TLR1: variants seen among roughly 807,000 people sequenced by gnomAD.
TLR1 encodes the protein toll like receptor 1.
TLR1 carries 19 observed loss-of-function variants against 20.2 expected under a neutral mutation model. That is an observed-to-expected ratio of 0.94 (90% CI 0.66 to 1.38). The LOEUF is 1.38. Ranked by LOEUF, TLR1 falls within the 40% of genes most tolerant of loss-of-function variation. The pLI is 0.00. For missense variants in TLR1, 921 were observed against 910.0 expected, an observed-to-expected ratio of 1.01 and a Z score of -0.16; for synonymous variants, 320 against 334.5, an observed-to-expected ratio of 0.96 and a Z score of 0.47.
chr4:38,802,595 C>T (rs1206878626), intron 2 of TLR1, among the ~76,000 whole-genome samples: 1 of 152,236 alleles, frequency 6.6e-6, no homozygotes, highest in African/African-American at 2.4e-5. Flanking sequence ...AACAAATAAG[C>T]CCCAAGTAAT....
rs1250104254 is a variant in TLR1, at chr4:38,798,686, A to G, written c.146T>C (p.Ile49Thr). The G allele has an allele frequency of 1.2e-6, 2 of 1,614,036 alleles. No individual in the cohort carries two copies. The highest frequency in any genetic ancestry group is 2.2e-5 in the East Asian group (1 of 44,872). ...TATATAATTTTGCGATATATTTAAG[A>G]TTGTTGTTTTCTGGGATAGGTCTTT... ...VPKDLSQKTTILNISQNYISE... is the reference protein window; with the variant it reads ...VPKDLSQKTTTLNISQNYISE... Residue 49 changes from isoleucine to threonine, a missense_variant, in exon 4 of 4, where the codon ATC becomes ACC. Ile to Thr is a moderately conservative substitution (Grantham distance 89, BLOSUM62 -1). Transcript: ENST00000308979.
intron 2 of TLR1, among the ~76,000 whole-genome samples, chr4:38,801,421 C>T (rs1178958495): frequency 6.6e-6 from 1 of 152,204 alleles, no homozygotes; most frequent in African/African-American, 2.4e-5. Context: ...TTATAAGTCA[C>T]CCATTCTGGT....
chr4:38,794,867 T>C (rs1368437655), downstream of TLR1, among the ~76,000 whole-genome samples: 4 of 152,320 alleles, frequency 2.6e-5, no homozygotes, highest in African/African-American at 9.6e-5. Flanking sequence ...GAGAGCTTTG[T>C]GGGCTGGTCA....
chr4:38,793,211 T>C (rs1453682115), downstream of TLR1, among the ~76,000 whole-genome samples: 1 of 152,148 alleles, frequency 6.6e-6, no homozygotes, highest in Non-Finnish European at 1.5e-5. Context: ...GCTTCAACAG[T>C]ACCACTTGGA....
At chr4:38,789,732 G>C (rs186973266), downstream of TLR1, among the ~76,000 whole-genome samples, 134 of 152,138 alleles carry the variant, frequency 8.8e-4, no homozygotes, top group African/African-American at 3.1e-3. Flanking sequence ...CAAAGTGCTG[G>C]GAATACAGGC....
Position 38,798,644 on chromosome 4 carries a change from G to A in TLR1, c.188C>T (p.Ser63Phe). The change falls in exon 4 of 4, where the codon TCT becomes TTT. Residue 63 changes from serine to phenylalanine, a missense_variant. By Grantham distance (155) the Ser-to-Phe change is radical. Coordinates refer to ENST00000308979, the MANE Select transcript of TLR1 (RefSeq NM_003263.4). ...CAGTTTTGACAGTGATAAGATGTCA[G>A]AAGTCCAAAGCTCAGATATATAATT... is the stretch of plus-strand genomic sequence containing the variant. ...SQNYISELWT[S>F]DILSLSKLRI... The A allele has an allele frequency of 1.9e-6, 3 of 1,613,804 alleles. No individual in the cohort carries two copies. Among genetic ancestry groups the A allele is most frequent in the South Asian group, 1.1e-5 (1 of 91,036 alleles).
At chr4:38,791,076 A>T (rs1725705519) in exon 4 of TLR1, 1 of 152,230 alleles carries the variant, frequency 6.6e-6, no homozygotes, top group Non-Finnish European at 1.5e-5. Flanking sequence ...TAGTAGGATG[A>T]AGTCCATCAC....
rs143576765 is a variant in TLR1, at chr4:38,797,036, G to A, written c.1796C>T (p.Ser599Phe). The change falls in exon 4 of 4, where the codon TCC becomes TTC. Residue 599 changes from serine to phenylalanine, a missense_variant. Ser to Phe is a radical substitution (Grantham distance 155). Transcript: ENST00000308979. ...GGGCAGATCCAAGTAGCTGCAGAGG[G>A]AGGTCACAGTCACAGCCAACACCAG... ...TMLVLAVTVT[S>F]LCSYLDLPWY... 240 of 1,614,182 alleles carry A rather than the reference G, an allele frequency of 1.5e-4. No individual in the cohort carries two copies. In the African/African-American group the frequency reaches 3.0e-3, roughly 20 times the overall value.
At position 38,798,547 on chromosome 4, in the gene TLR1, C is replaced by T; in HGVS notation, c.285G>A (p.Leu95=). Residue 95 remains leucine, a synonymous_variant, in exon 4 of 4, where the codon TTG becomes TTA. Coordinates refer to ENST00000308979, the MANE Select transcript of TLR1 (RefSeq NM_003263.4). ...DISVFKFNQE[L]EYLDLSHNKL... is the part of the protein sequence containing the mutation. Reference sequence around the variant, plus strand: ...TGTTGTGGGACAAATCCAAGTATTCCAATTCCTGGTTGAATTTGAAAACAC... The same window carrying T: ...TGTTGTGGGACAAATCCAAGTATTCTAATTCCTGGTTGAATTTGAAAACAC... 2 of 1,614,096 alleles carry T rather than the reference C, an allele frequency of 1.2e-6. No homozygotes were observed. The highest frequency in any genetic ancestry group is 1.7e-6 in the Non-Finnish European group (2 of 1,180,010).
At position 38,798,105 on chromosome 4, in the gene TLR1, T is replaced by C; in HGVS notation, c.727A>G (p.Asn243Asp). 6.2e-7 allele frequency: 1 copy of C among 1,613,678 alleles called. No individual in the cohort carries two copies. Among genetic ancestry groups the C allele is most frequent in the Non-Finnish European group, 8.5e-7 (1 of 1,179,700 alleles). ...AAGGTAAGATTTGATAACTTTGGATTTGTTTGAAGTTTCGCCAGAATACTT... is the reference window on the plus strand; with the variant it reads ...AAGGTAAGATTTGATAACTTTGGATCTGTTTGAAGTTTCGCCAGAATACTT... ...FLSILAKLQTNPKLSNLTLNN... is the reference protein window; with the variant it reads ...FLSILAKLQTDPKLSNLTLNN... The change falls in exon 4 of 4, where the codon AAT (asparagine) becomes GAT (aspartate). Residue 243 changes from asparagine (N) to aspartate (D), a missense_variant. Asn to Asp is a conservative substitution (Grantham distance 23). Coordinates refer to ENST00000308979, the MANE Select transcript of TLR1 (RefSeq NM_003263.4).
At chr4:38,801,531 A>C (rs1726643101) in intron 2 of TLR1, among the ~76,000 whole-genome samples, 1 of 152,238 alleles carries the variant, frequency 6.6e-6, no homozygotes, top group Non-Finnish European at 1.5e-5. Flanking sequence ...CCTGGTCTTA[A>C]GGCCTAAGTG....
chr4:38,796,884 A>G lies in TLR1; in HGVS notation c.1948T>C (p.Trp650Arg). 1 of 1,614,232 alleles carries G rather than the reference A, an allele frequency of 6.2e-7. No individual in the cohort carries two copies. Residue 650 changes from tryptophan to arginine, a missense_variant, in exon 4 of 4, where the codon TGG (tryptophan) becomes CGG (arginine). Trp to Arg is a moderately radical substitution (Grantham distance 101). Coordinates refer to ENST00000308979, the MANE Select transcript of TLR1 (RefSeq NM_003263.4). ...FISYSGHDSF[W>R]VKNELLPNLE... ...TTTGGCAATAATTCATTCTTCACCC[A>G]GAAAGAATCGTGCCCACTATATGAA...
intron 1 of TLR1, among the ~76,000 whole-genome samples, 154 bp downstream of exon 1, chr4:38,804,600 T>C (rs150494695): frequency 1.3e-5 from 2 of 152,260 alleles, no homozygotes; most frequent in Non-Finnish European, 2.9e-5. Flanking sequence ...GATACACAAA[T>C]GCCAGTACAA....
chr4:38,792,853 T>TTATATATATATATATACATATA (rs1553901933), downstream of TLR1, among the ~76,000 whole-genome samples: 1 of 122,218 alleles, frequency 8.2e-6, no homozygotes, highest in African/African-American at 3.0e-5. Flanking sequence ...TATTTTCAAA[T>TTATATATATATATATACATATA]TATATATATA....
At chr4:38,795,029 T>C (rs151040046), downstream of TLR1, among the ~76,000 whole-genome samples, 10 of 152,332 alleles carry the variant, frequency 6.6e-5, no homozygotes, top group Admixed American at 2.6e-4. Context: ...GGAAAGTCAA[T>C]GCAAAACCAA....
At chr4:38,802,606 A>G (rs1229109770) in intron 2 of TLR1, among the ~76,000 whole-genome samples, 1 of 152,224 alleles carries the variant, frequency 6.6e-6, no homozygotes, top group African/African-American at 2.4e-5. Flanking sequence ...CCCAAGTAAT[A>G]GGTTAAACTG....
intron 2 of TLR1, among the ~76,000 whole-genome samples, chr4:38,801,211 C>T (rs1472522459): frequency 2.6e-5 from 4 of 152,138 alleles, no homozygotes; most frequent in Non-Finnish European, 5.9e-5. Flanking sequence ...GTAATTAGGT[C>T]ATAAGAATAG....
Position 38,796,390 on chromosome 4 carries a change from C to G in TLR1, c.*81G>C. 4 of 1,472,936 alleles carry G rather than the reference C, an allele frequency of 2.7e-6. No homozygotes were observed. The highest frequency in any genetic ancestry group is 3.7e-6 in the Non-Finnish European group (4 of 1,081,112). 91.2% of individuals were successfully genotyped at this position (1,472,936 alleles called of 1,614,324 possible). A position where few individuals can be genotyped will look rare whatever the true frequency, so the allele number is the denominator to read the frequency against. On this transcript the variant is annotated 3_prime_UTR_variant, in exon 4 of 4. Transcript: ENST00000308979. ...ACTCACAATTGTGTTTACATCTATGCTGATGCAAAATAAAGTCATTGTTGG... is the reference window on the plus strand; with the variant it reads ...ACTCACAATTGTGTTTACATCTATGGTGATGCAAAATAAAGTCATTGTTGG...
At chr4:38,794,228 A>C (rs1341211675), downstream of TLR1, among the ~76,000 whole-genome samples, 2 of 152,250 alleles carry the variant, frequency 1.3e-5, no homozygotes, top group Non-Finnish European at 2.9e-5. Context: ...AGAAAGTGCA[A>C]TCATCCTAGA....
Sources: allele counts gnomAD v4.1 joint callset (sites outside exome capture counted in the v4.1 genomes callset), GRCh38; gene constraint gnomAD v4.1.1; transcripts MANE v1.5; gene names NCBI Gene and HGNC (gene_info 2026-07-23, HGNC 2026-07-21).